ITPK1: variants seen among roughly 807,000 people sequenced by gnomAD.
ITPK1 encodes inositol 1,3,4-trisphosphate 5/6-kinase.
ITPK1 carries 21 observed loss-of-function variants against 45.3 expected under a neutral mutation model. The ratio of observed to expected loss-of-function variants is 0.46; its 90% CI spans 0.33 to 0.67. The LOEUF (loss-of-function observed/expected upper bound fraction) is 0.67, where lower values mean the gene tolerates loss of function less well. Ranked by LOEUF, ITPK1 falls within the 30% of genes least tolerant of loss-of-function variation. ITPK1 has a pLI of 0.02. For synonymous variants in ITPK1, 258 were observed against 253.6 expected, an observed-to-expected ratio of 1.02 and a Z score of -0.16; for missense variants, 474 against 573.5, an observed-to-expected ratio of 0.83 and a Z score of 1.77.
intron 3 of ITPK1, among the ~76,000 whole-genome samples, chr14:93,041,369 T>TC (rs1183126805): frequency 6.6e-6 from 1 of 152,202 alleles, no homozygotes; most frequent in Non-Finnish European, 1.5e-5. Context: ...TGCCTGGGCA[T>TC]CCTTCCCTCC....
chr14:93,113,741 C>T (rs1161178399), intron 2 of ITPK1, among the ~76,000 whole-genome samples: 1 of 152,212 alleles, frequency 6.6e-6, no homozygotes, highest in Non-Finnish European at 1.5e-5. Flanking sequence ...TCTGCATGCC[C>T]TATTGATCAT....
chr14:93,034,795 C>T lies in ITPK1; in HGVS notation c.121-17994G>A, dbSNP rs778802770. On this transcript the variant is annotated intron_variant, in intron 3 of 10. Coordinates refer to ENST00000267615, the MANE Select transcript of ITPK1 (RefSeq NM_014216.6). The surrounding 1 kb of genome is among the most constrained non-coding windows in gnomAD (Gnocchi z 4.1). Reference sequence around the variant, plus strand: ...GGCCCCAGCACACACGGGCAGTGGGCAGTGGGCAGTGCCAGTGCCCAGGGG... The same window carrying T: ...GGCCCCAGCACACACGGGCAGTGGGTAGTGGGCAGTGCCAGTGCCCAGGGG... 7.9e-5 allele frequency among the ~76,000 whole-genome samples: 12 copies of T among 152,262 alleles called. No individual in the cohort carries two copies. Among genetic ancestry groups the T allele is most frequent in the Non-Finnish European group, 1.6e-4 (11 of 68,040 alleles).
chr14:92,996,450 G>T (rs1368331788), intron 4 of ITPK1, among the ~76,000 whole-genome samples: 1 of 135,446 alleles, frequency 7.4e-6, no homozygotes, highest in African/African-American at 2.7e-5. Flanking sequence ...GGGGGAGGGG[G>T]AGGGATAGCA....
At position 93,012,264 on chromosome 14, in the gene ITPK1, G is replaced by A. The variant is rs574671866; in HGVS notation, c.246+4412C>T. On this transcript the variant is annotated intron_variant, in intron 4 of 10. Coordinates refer to ENST00000267615, the MANE Select transcript of ITPK1 (RefSeq NM_014216.6). The surrounding 1 kb of genome is among the most constrained non-coding windows in gnomAD (Gnocchi z 4.9). Reference sequence around the variant, plus strand: ...ACAATAGCCACTGATAAAGAATTACGAACTTCCGAAGGGCATGAAGGAAAA... The same window carrying A: ...ACAATAGCCACTGATAAAGAATTACAAACTTCCGAAGGGCATGAAGGAAAA... Among the ~76,000 whole-genome samples, 13 of 152,356 alleles carry A rather than the reference G, an allele frequency of 8.5e-5. No homozygotes were observed. The highest frequency in any genetic ancestry group is 2.9e-4 in the African/African-American group (12 of 41,586).
rs1887402731 is a variant in ITPK1 at position 92,941,578 on chromosome 14, T to C, written c.1228A>G (p.Lys410Glu). 24 of 1,536,356 alleles carry C rather than the reference T, an allele frequency of 1.6e-5. No individual in the cohort carries two copies. Among genetic ancestry groups the C allele is most frequent in the Non-Finnish European group, 2.0e-5 (23 of 1,144,130 alleles). ...CTCCGTGGCTACTGGGAGGAGGCCT[T>C]GGTGGCCAGGGAGGCCACACAATGC... is the stretch of plus-strand genomic sequence containing the variant. ...QQHCVASLAT[K>E]ASSQ The change falls in exon 11 of 11, where the codon AAG becomes GAG. Residue 410 changes from lysine (K) to glutamate (E), a missense_variant. This residue lies in a region of ITPK1 where 107 missense variants were observed against 92.9 expected (regional missense o/e 1.15). Coordinates refer to ENST00000267615, the MANE Select transcript of ITPK1 (RefSeq NM_014216.6).
At position 92,938,464 on chromosome 14, in the gene ITPK1, CAT is replaced by C. The variant is rs1378887928; in HGVS notation, c.*3095_*3096del. 2 of 1,607,984 alleles carry C rather than the reference CAT, an allele frequency of 1.2e-6. No homozygotes were observed. The highest frequency in any genetic ancestry group is 1.7e-6 in the Non-Finnish European group (2 of 1,174,480). ...AGCTGCTTTGCTCAGTTGGCTCAAA[CAT>C]GTGACAGCTTCCTACTTCAGTCGGT... On this transcript the variant is annotated 3_prime_UTR_variant, in exon 11 of 11. Coordinates refer to ENST00000267615, the MANE Select transcript of ITPK1 (RefSeq NM_014216.6).
chr14:93,000,000 A>G (rs1003455126), intron 4 of ITPK1, among the ~76,000 whole-genome samples: 3 of 152,152 alleles, frequency 2.0e-5, no homozygotes, highest in African/African-American at 7.2e-5. Flanking sequence ...AAGCCATGTG[A>G]TGTGTGGTCC....
At chr14:93,101,235 C>T (rs552226778) in intron 2 of ITPK1, among the ~76,000 whole-genome samples, 1 of 152,346 alleles carries the variant, frequency 6.6e-6, no homozygotes, top group Non-Finnish European at 1.5e-5. Flanking sequence ...ATGTGTGACC[C>T]TGCAAGGCCA....
At chr14:93,054,216 C>A (rs1267956146) in intron 3 of ITPK1, among the ~76,000 whole-genome samples, 1 of 152,228 alleles carries the variant, frequency 6.6e-6, no homozygotes, top group Non-Finnish European at 1.5e-5. Flanking sequence ...TTGACGTCAT[C>A]TGTAAACAGG....
intron 3 of ITPK1, among the ~76,000 whole-genome samples, chr14:93,047,052 T>C (rs1376638187): frequency 6.6e-6 from 1 of 152,186 alleles, no homozygotes; most frequent in Non-Finnish European, 1.5e-5. Flanking sequence ...GGGACCGAAC[T>C]GGGAGAGAAG....
intron 5 of ITPK1, among the ~76,000 whole-genome samples, chr14:92,984,964 A>C (rs1886423538): frequency 6.6e-6 from 1 of 152,236 alleles, no homozygotes; most frequent in South Asian, 2.1e-4. Flanking sequence ...AGAAATTTAG[A>C]GTGGAAAAGC....
At chr14:93,097,148 C>T (rs546842697) in intron 2 of ITPK1, among the ~76,000 whole-genome samples, 2 of 152,354 alleles carry the variant, frequency 1.3e-5, no homozygotes, top group East Asian at 1.9e-4. Context: ...TGCCGGCCAA[C>T]GCGCAGACCC....
At chr14:92,961,895 C>T (rs1415210070) in intron 7 of ITPK1, among the ~76,000 whole-genome samples, 3 of 152,234 alleles carry the variant, frequency 2.0e-5, no homozygotes, top group Admixed American at 2.0e-4. Context: ...CCCATTCACA[C>T]ACACAAGAGG....
At chr14:92,946,068 G>A (rs937746659) in intron 10 of ITPK1, among the ~76,000 whole-genome samples, 2 of 152,202 alleles carry the variant, frequency 1.3e-5, no homozygotes, top group Non-Finnish European at 2.9e-5. Flanking sequence ...GACGCAGGTG[G>A]AGAGAGGAGG....
chr14:92,978,369 T>C (rs1295963276), intron 5 of ITPK1, among the ~76,000 whole-genome samples: 1 of 151,850 alleles, frequency 6.6e-6, no homozygotes, highest in Admixed American at 6.5e-5. Flanking sequence ...AGTGAAAAAT[T>C]TGCAGGCTGA....
intron 4 of ITPK1, among the ~76,000 whole-genome samples, chr14:92,997,070 C>T (rs954034187): frequency 2.6e-5 from 4 of 152,302 alleles, no homozygotes; most frequent in South Asian, 2.1e-4. Context: ...GGACCACCAG[C>T]TAGAGGCATT....
At chr14:93,049,225 TG>T (rs1889906827) in intron 3 of ITPK1, among the ~76,000 whole-genome samples, 3 of 152,278 alleles carry the variant, frequency 2.0e-5, no homozygotes, top group South Asian at 2.1e-4. Context: ...TAGGTAGACC[TG>T]GGGGGAAAGT....
chr14:92,949,558 C>G (rs972635614), intron 9 of ITPK1, among the ~76,000 whole-genome samples: 1 of 152,210 alleles, frequency 6.6e-6, no homozygotes, highest in African/African-American at 2.4e-5. Flanking sequence ...CACTGTGTAC[C>G]CTAAGCCATA....
intron 2 of ITPK1, among the ~76,000 whole-genome samples, chr14:93,111,921 C>CAA (rs1892771602): frequency 2.0e-5 from 3 of 152,006 alleles, no homozygotes; most frequent in Non-Finnish European, 2.9e-5. Flanking sequence ...CTAGCAGAGC[C>CAA]CCATCCTATC....
Sources: gnomAD v4.1 joint callset for allele counts (sites outside exome capture counted in the v4.1 genomes callset) on GRCh38, gnomAD v4.1.1 for gene constraint, gnomAD v4.1.1 regional missense constraint, Gnocchi (gnomAD v3.1) non-coding constraint, MANE v1.5 for transcripts, NCBI Gene and HGNC (gene_info 2026-07-23, HGNC 2026-07-21) for gene names.